Variants in THSD4 observed in about 807,000 individuals in gnomAD.
THSD4 encodes thrombospondin type 1 domain containing 4.
Under a neutral mutation model 119.0 loss-of-function variants are expected in THSD4, and 69 were observed. The observed-to-expected ratio is 0.58, with a 90% CI of 0.48 to 0.71. THSD4 has a LOEUF of 0.71. Ranked by LOEUF, THSD4 falls within the 30% of genes least tolerant of loss-of-function variation. The pLI is 0.00. For synonymous variants in THSD4, 524 were observed against 540.4 expected, an observed-to-expected ratio of 0.97 and a Z score of 0.42; for missense variants, 1,393 against 1,391.1, an observed-to-expected ratio of 1.00 and a Z score of -0.02.
At chr15:71,740,183 A>T (rs1224681444) in intron 11 of THSD4, among the ~76,000 whole-genome samples, 1 of 152,178 alleles carries the variant, frequency 6.6e-6, no homozygotes, top group Non-Finnish European at 1.5e-5. Flanking sequence ...TCTTTTATAT[A>T]CTTTGTGAGG....
chr15:71,374,663 G>C lies in THSD4; in HGVS notation c.1016-37024G>C, dbSNP rs150239499. Among the ~76,000 whole-genome samples the C allele has an allele frequency of 2.3e-3, 353 of 152,306 alleles. 4 individuals carry two copies. The highest frequency in any genetic ancestry group is 8.0e-3 in the African/African-American group (332 of 41,556). On this transcript the variant is annotated intron_variant, in intron 6 of 17. Coordinates refer to ENST00000261862, the MANE Select transcript of THSD4 (RefSeq NM_024817.3). The stretch of plus-strand genomic sequence containing the variant: ...AATCTTGAGGGTGAGCAATGGCCCT[G>C]ACCTTCAGACTTTGAATTCTAGGAA...
chr15:71,676,862 C>T (rs1299793245), intron 8 of THSD4, among the ~76,000 whole-genome samples: 1 of 152,138 alleles, frequency 6.6e-6, no homozygotes, highest in Non-Finnish European at 1.5e-5. Context: ...TTGATGGGCA[C>T]CTGGGCTGTT....
At chr15:71,777,111 C>T (rs1444966504) in intron 17 of THSD4, 121 bp from the exon 18 acceptor site, 5 of 1,155,752 alleles carry the variant, frequency 4.3e-6, no homozygotes, top group South Asian at 4.1e-5. Flanking sequence ...CATTCATACC[C>T]CACAATGGTA....
At chr15:71,738,828 A>G (rs528771380) in intron 11 of THSD4, among the ~76,000 whole-genome samples, 1 of 152,132 alleles carries the variant, frequency 6.6e-6, no homozygotes, top group Non-Finnish European at 1.5e-5. Flanking sequence ...AGCCAAACCA[A>G]TACTGCGTGG....
intron 1 of THSD4, among the ~76,000 whole-genome samples, chr15:71,102,943 T>C (rs971392300): frequency 2.0e-5 from 3 of 152,212 alleles, no homozygotes; most frequent in Admixed American, 2.0e-4. Context: ...CCTTACTTTA[T>C]GGAACATGGT....
In THSD4 at chr15:71,682,685, G is replaced by T. The variant is rs554734186; in HGVS notation, c.1357+21951G>T. ...AATTTTACAAACCAATTTGTTGAGT[G>T]GTTCATTTATTTAACATTGGAATGT... On this transcript the variant is annotated intron_variant, in intron 8 of 17. Transcript: ENST00000261862. Among the ~76,000 whole-genome samples the T allele has an allele frequency of 2.6e-5, 4 of 151,134 alleles. No homozygotes were observed. The East Asian group carries it at 7.8e-4, about 29-fold the overall frequency.
chr15:71,412,206 G>A (rs1044545024), intron 7 of THSD4, among the ~76,000 whole-genome samples: 8 of 152,210 alleles, frequency 5.3e-5, no homozygotes, highest in African/African-American at 1.9e-4. Flanking sequence ...GGCATTTTAA[G>A]GGAATGGCAT....
chr15:71,501,639 C>A lies in THSD4; in HGVS notation c.1152+89816C>A, dbSNP rs147953244. On this transcript the variant is annotated intron_variant, in intron 7 of 17. Transcript: ENST00000261862. ...GTGTCCTCTGACTTAATTAACTAAA[C>A]CTTGTATCTTTTGAACAGCTAATGT... is the stretch of plus-strand genomic sequence containing the variant. Among the ~76,000 whole-genome samples the A allele has an allele frequency of 1.1e-4, 16 of 152,310 alleles. No individual in the cohort carries two copies. The East Asian group carries it at 3.1e-3, about 29-fold the overall frequency.
chr15:71,447,572 G>A (rs372402805), intron 7 of THSD4, among the ~76,000 whole-genome samples: 24 of 152,148 alleles, frequency 1.6e-4, no homozygotes, highest in African/African-American at 5.1e-4. Context: ...CAGACCACAA[G>A]TGCCTCGAGG....
chr15:71,568,260 A>G (rs1209003180), intron 7 of THSD4, among the ~76,000 whole-genome samples: 1 of 152,154 alleles, frequency 6.6e-6, no homozygotes, highest in Non-Finnish European at 1.5e-5. Flanking sequence ...TCAACCTTGC[A>G]TTGAGAACTG....
intron 2 of THSD4, among the ~76,000 whole-genome samples, chr15:71,143,085 G>T (rs187974915): frequency 5.9e-5 from 9 of 152,176 alleles, no homozygotes; most frequent in Non-Finnish European, 1.2e-4. Context: ...CCAAATACCC[G>T]CAGAGAACTA....
rs147187691 is a variant in THSD4, at chr15:71,754,348, C to T, written c.2416-3554C>T. Among the ~76,000 whole-genome samples the T allele has an allele frequency of 6.6e-3, 998 of 152,100 alleles. 7 individuals are homozygous for T. Among genetic ancestry groups the T allele is most frequent in the South Asian group, 0.011 (52 of 4,808 alleles). Reference sequence around the variant, plus strand: ...CAGGTGATCCACCTGCCTCAGCCTCCGAAAGTGCTGGGATTACAGGTGTGA... The same window carrying T: ...CAGGTGATCCACCTGCCTCAGCCTCTGAAAGTGCTGGGATTACAGGTGTGA... On this transcript the variant is annotated intron_variant, in intron 14 of 17. Transcript: ENST00000261862.
chr15:71,574,047 T>G (rs551392996), intron 7 of THSD4, among the ~76,000 whole-genome samples: 10 of 152,196 alleles, frequency 6.6e-5, no homozygotes, highest in Non-Finnish European at 1.3e-4. Context: ...TTTCAATTCT[T>G]GAGAAAGTAG....
intron 14 of THSD4, among the ~76,000 whole-genome samples, chr15:71,749,046 C>T (rs1343421592): frequency 6.6e-6 from 1 of 152,224 alleles, no homozygotes; most frequent in Non-Finnish European, 1.5e-5. Context: ...TATAGTCAAC[C>T]ATTAGCCCAC....
intron 7 of THSD4, among the ~76,000 whole-genome samples, chr15:71,561,521 G>A (rs2140880689): frequency 6.6e-6 from 1 of 152,192 alleles, no homozygotes; most frequent in Non-Finnish European, 1.5e-5. Flanking sequence ...GAATGAGAGG[G>A]AATTAATATG....
chr15:71,547,911 C>CTTTTTTTT (rs33983525), intron 7 of THSD4: 1 of 149,222 alleles, frequency 6.7e-6, no homozygotes. Context: ...ACACTTCTCT[C>CTTTTTTTT]TTTTTTTTTT....
intron 3 of THSD4, among the ~76,000 whole-genome samples, chr15:71,199,250 T>A (rs1343569063): frequency 6.6e-6 from 1 of 152,176 alleles, no homozygotes; most frequent in Non-Finnish European, 1.5e-5. Context: ...TCCTTTCAGT[T>A]TCCGTCCCCT....
chr15:71,653,013 T>G (rs2051122320), intron 7 of THSD4, among the ~76,000 whole-genome samples: 1 of 152,138 alleles, frequency 6.6e-6, no homozygotes, highest in Admixed American at 6.5e-5. Context: ...AAAGAAAAAT[T>G]TTGGCACCAG....
intron 3 of THSD4, among the ~76,000 whole-genome samples, chr15:71,160,906 G>C (rs561746191): frequency 6.6e-6 from 1 of 151,636 alleles, no homozygotes; most frequent in East Asian, 1.9e-4. Context: ...CTTGATTTTT[G>C]AGGTAGGAGT....
Sources: gnomAD v4.1 joint callset for allele counts (sites outside exome capture counted in the v4.1 genomes callset) on GRCh38, gnomAD v4.1.1 for gene constraint, MANE v1.5 for transcripts, NCBI Gene and HGNC (gene_info 2026-07-23, HGNC 2026-07-21) for gene names.